ME3: variants seen among roughly 807,000 people sequenced by gnomAD.
ME3 encodes the protein malic enzyme 3.
A neutral mutation model predicts 68.9 loss-of-function variants in ME3; 48 were observed. That is an observed-to-expected ratio of 0.70 (90% CI 0.55 to 0.89). The LOEUF (loss-of-function observed/expected upper bound fraction) is 0.89, where lower values mean the gene tolerates loss of function less well. Among genes scored for constraint, ME3 ranks in the 40% least tolerant of loss-of-function variants. ME3 has a pLI of 0.00. For missense variants in ME3, 675 were observed against 797.4 expected (o/e 0.85, Z 1.85); for synonymous variants, 320 against 318.8 (o/e 1.00, Z -0.04).
intron 7 of ME3, among the ~76,000 whole-genome samples, chr11:86,468,725 C>T (rs981692132): frequency 9.2e-5 from 14 of 152,160 alleles, no homozygotes; most frequent in African/African-American, 3.1e-4. Flanking sequence ...GAGCTTTCAC[C>T]ATAACACTAA....
intron 7 of ME3, among the ~76,000 whole-genome samples, chr11:86,479,656 C>T (rs1353874729): frequency 6.6e-6 from 1 of 152,166 alleles, no homozygotes; most frequent in Non-Finnish European, 1.5e-5. Flanking sequence ...ACTTCCATTT[C>T]TTCCCAATCA....
At chr11:86,650,618 G>T (rs1039786128) in intron 2 of ME3, among the ~76,000 whole-genome samples, 8 of 152,072 alleles carry the variant, frequency 5.3e-5, no homozygotes, top group Admixed American at 3.9e-4. Flanking sequence ...ACAATGGGAA[G>T]TCAAGATGGC....
intron 2 of ME3, among the ~76,000 whole-genome samples, chr11:86,580,690 A>C (rs1367762828): frequency 6.6e-6 from 1 of 152,202 alleles, no homozygotes; most frequent in Admixed American, 6.5e-5. Context: ...AAGATTATAC[A>C]GTTAATAAGT....
At chr11:86,475,874 T>TATATATATATAGAG in intron 7 of ME3, among the ~76,000 whole-genome samples, 30 of 91,464 alleles carry the variant, frequency 3.3e-4, no homozygotes, top group Admixed American at 6.9e-4. Context: ...TATATATATA[T>TATATATATATAGAG]AGAGAGAGAG....
intron 6 of ME3, among the ~76,000 whole-genome samples, chr11:86,491,047 C>A (rs1951973893): frequency 6.6e-6 from 1 of 152,086 alleles, no homozygotes; most frequent in South Asian, 2.1e-4. Flanking sequence ...ATAAAATGTT[C>A]TATGTCTCAG....
intron 4 of ME3, among the ~76,000 whole-genome samples, chr11:86,513,117 G>T (rs2139127448): frequency 6.6e-6 from 1 of 152,266 alleles, no homozygotes; most frequent in South Asian, 2.1e-4. Context: ...ACACAGGATA[G>T]GTGTGAATAC....
At chr11:86,445,673 T>C (rs576762143) in intron 13 of ME3, among the ~76,000 whole-genome samples, 26 of 152,324 alleles carry the variant, frequency 1.7e-4, no homozygotes, top group African/African-American at 5.8e-4. Context: ...GTAACTGTTA[T>C]CAATAACCAT....
At chr11:86,672,414 G>C (rs1947016020) in exon 1 of ME3, 1 of 154,586 alleles carries the variant, frequency 6.5e-6, no homozygotes, top group Non-Finnish European at 1.4e-5. Context: ...TCCCGCCAAT[G>C]GGTGGACCGC....
At chr11:86,671,875 G>A (rs1014111674) in exon 2 of ME3, 2 of 1,557,170 alleles carry the variant, frequency 1.3e-6, no homozygotes, top group Non-Finnish European at 1.7e-6. Context: ...GGTGTCCAGC[G>A]CGGGAGGGCG....
intron 8 of ME3, among the ~76,000 whole-genome samples, chr11:86,463,909 T>G (rs1950348498): frequency 6.6e-6 from 1 of 152,244 alleles, no homozygotes; most frequent in Non-Finnish European, 1.5e-5. Flanking sequence ...TAAAAGTTAC[T>G]TACTCTTTTT....
At chr11:86,563,672 G>A (rs1360804408) in intron 2 of ME3, among the ~76,000 whole-genome samples, 1 of 152,096 alleles carries the variant, frequency 6.6e-6, no homozygotes, top group Non-Finnish European at 1.5e-5. Context: ...CATATGGCTA[G>A]CCAGTTATCC....
chr11:86,552,290 G>T (rs757918206), intron 4 of ME3, among the ~76,000 whole-genome samples: 6 of 152,300 alleles, frequency 3.9e-5, no homozygotes, highest in Admixed American at 2.6e-4. Context: ...TGGCTTCAAA[G>T]TCCGTGCTGC....
At chr11:86,479,854 G>A (rs887708114) in intron 7 of ME3, among the ~76,000 whole-genome samples, 4 of 147,014 alleles carry the variant, frequency 2.7e-5, no homozygotes, top group African/African-American at 7.5e-5. Flanking sequence ...TCACTCTGTC[G>A]CCCAGGCTGG....
chr11:86,449,123 T>G (rs77505800), intron 10 of ME3, among the ~76,000 whole-genome samples: 12,416 of 152,304 alleles, frequency 0.082, 690 homozygotes, highest in East Asian at 0.26. Context: ...TCTGCCATTC[T>G]TGGTCAATGT....
intron 12 of ME3, 49 bp downstream of exon 12, chr11:86,447,016 A>G (rs759965220): frequency 4.4e-6 from 7 of 1,595,482 alleles, no homozygotes; most frequent in African/African-American, 1.3e-5. Context: ...ACTCATTGTA[A>G]TTGTTACTAT....
chr11:86,621,664 C>T (rs763322219), intron 2 of ME3, among the ~76,000 whole-genome samples: 7 of 151,688 alleles, frequency 4.6e-5, no homozygotes, highest in Admixed American at 1.3e-4. Context: ...TTCAAGCTGA[C>T]TTAAAATATA....
chr11:86,527,294 GT>G (rs1954834011), intron 4 of ME3, among the ~76,000 whole-genome samples: 2 of 152,264 alleles, frequency 1.3e-5, no homozygotes, highest in African/African-American at 4.8e-5. Flanking sequence ...ATGAAATGAA[GT>G]GAGAAGAGAA....
intron 4 of ME3, among the ~76,000 whole-genome samples, chr11:86,545,470 T>G (rs1204788773): frequency 6.6e-6 from 1 of 152,180 alleles, no homozygotes; most frequent in Non-Finnish European, 1.5e-5. Context: ...TTCAGCAAAG[T>G]CTCAGGATAC....
chr11:86,649,831 C>T (rs1195988690), intron 2 of ME3, among the ~76,000 whole-genome samples: 3 of 152,174 alleles, frequency 2.0e-5, no homozygotes, highest in Non-Finnish European at 2.9e-5. Flanking sequence ...AATGGAAAAA[C>T]GTTCCATGCT....
Sources: allele counts gnomAD v4.1 joint callset (sites outside exome capture counted in the v4.1 genomes callset), GRCh38; gene constraint gnomAD v4.1.1; transcripts MANE v1.5; gene names NCBI Gene and HGNC (gene_info 2026-07-23, HGNC 2026-07-21).